The following TAF4B variants were observed in gnomAD, a reference collection of about 807,000 sequenced individuals.
The protein encoded by TAF4B is TATA-box binding protein associated factor 4b.
A neutral mutation model predicts 86.4 loss-of-function variants in TAF4B; 38 were observed. The ratio of observed to expected loss-of-function variants is 0.44; its 90% CI spans 0.34 to 0.58. The LOEUF (loss-of-function observed/expected upper bound fraction) is 0.58. Among genes scored for constraint, TAF4B ranks in the 20% least tolerant of loss-of-function variants. The pLI is 0.02. For missense variants in TAF4B, 988 were observed against 1,027.6 expected (o/e 0.96, Z 0.53); for synonymous variants, 388 against 391.2 (o/e 0.99, Z 0.10).
In TAF4B at chr18:26,226,930, G is replaced by T; in HGVS notation, c.-4G>T. ...CGCCAAAGCTGCCGCTGAGCCCCTG[G>T]GGGATGCCCGCCGGCCTCACCGAAC... On this transcript the variant is annotated 5_prime_UTR_variant, in exon 1 of 15. Transcript: ENST00000269142. The T allele has an allele frequency of 7.3e-7, 1 of 1,370,976 alleles. No homozygotes were observed. The highest frequency in any genetic ancestry group is 1.7e-5 in the South Asian group (1 of 58,968). The allele number at this position is 1,370,976 out of a possible 1,614,324, so 84.9% of individuals were successfully genotyped here.
In TAF4B at chr18:26,227,280, T is replaced by C; in HGVS notation, c.343+4T>C. The C allele has an allele frequency of 6.2e-7, 1 of 1,611,238 alleles. No homozygotes were observed. The highest frequency in any genetic ancestry group is 8.5e-7 in the Non-Finnish European group (1 of 1,178,790). On this transcript the variant is annotated splice_donor_region_variant and intron_variant, in intron 1 of 14. Coordinates refer to ENST00000269142, the MANE Select transcript of TAF4B (RefSeq NM_005640.3). ...GCTAATTTGCAGCTTCCTCCAGGTATGTTGATAACCCTTTCCAGCCTTGTC... is the reference window on the plus strand; with the variant it reads ...GCTAATTTGCAGCTTCCTCCAGGTACGTTGATAACCCTTTCCAGCCTTGTC...
intron 11 of TAF4B, among the ~76,000 whole-genome samples, chr18:26,322,743 C>T (rs1014230179): frequency 4.0e-5 from 6 of 151,884 alleles, no homozygotes; most frequent in African/African-American, 9.7e-5. Flanking sequence ...TCGTGTATCT[C>T]CACTCTAGTT....
intron 1 of TAF4B, among the ~76,000 whole-genome samples, chr18:26,241,333 A>C (rs1464924406): frequency 7.2e-5 from 11 of 152,138 alleles, no homozygotes; most frequent in Admixed American, 7.2e-4. Context: ...GTGTCCAGGA[A>C]TTTATGCATT....
At chr18:26,255,603 C>CAAAA (rs71169836) in intron 1 of TAF4B, 8,130 of 480,424 alleles carry the variant, frequency 0.017, 93 homozygotes, top group African/African-American at 0.066. Flanking sequence ...ACTCTGTCTC[C>CAAAA]AAAAAAAAAA....
intron 14 of TAF4B, among the ~76,000 whole-genome samples, chr18:26,368,849 T>C (rs1431243986): frequency 1.3e-5 from 2 of 152,212 alleles, no homozygotes; most frequent in African/African-American, 4.8e-5. Context: ...TGACTCTTTG[T>C]CAGCTATCTT....
intron 13 of TAF4B, among the ~76,000 whole-genome samples, chr18:26,355,859 T>C (rs1269604572): frequency 2.6e-5 from 4 of 152,214 alleles, no homozygotes; most frequent in Non-Finnish European, 5.9e-5. Flanking sequence ...CTATATTTTT[T>C]ATTAAAAAGG....
intron 5 of TAF4B, among the ~76,000 whole-genome samples, chr18:26,276,025 A>AG (rs2056380073): frequency 6.6e-6 from 1 of 151,492 alleles, no homozygotes; most frequent in African/African-American, 2.4e-5. Context: ...CAAAAAAAAA[A>AG]AAAAAAAGAA....
chr18:26,377,115 A>G (rs1306065335), intron 14 of TAF4B, among the ~76,000 whole-genome samples: 2 of 152,058 alleles, frequency 1.3e-5, no homozygotes, highest in African/African-American at 4.8e-5. Context: ...CCATGTTCAT[A>G]AGGAATAATG....
intron 1 of TAF4B, among the ~76,000 whole-genome samples, chr18:26,255,494 T>C (rs2056068510): frequency 6.6e-6 from 1 of 150,966 alleles, no homozygotes; most frequent in South Asian, 2.1e-4. Flanking sequence ...ACCCAGCTAC[T>C]TGGGAGGCTG....
intron 13 of TAF4B, among the ~76,000 whole-genome samples, chr18:26,349,392 T>A (rs2057226335): frequency 6.6e-6 from 1 of 151,978 alleles, no homozygotes; most frequent in South Asian, 2.1e-4. Context: ...CCTTACCTAA[T>A]GAACTAGCTG....
chr18:26,268,568 C>T (rs2056272208), intron 3 of TAF4B, among the ~76,000 whole-genome samples: 1 of 152,166 alleles, frequency 6.6e-6, no homozygotes, highest in African/African-American at 2.4e-5. Context: ...GTTGCTACGG[C>T]TTGTCTATTT....
intron 1 of TAF4B, among the ~76,000 whole-genome samples, chr18:26,229,865 A>G (rs1473005295): frequency 1.3e-5 from 2 of 152,056 alleles, no homozygotes; most frequent in Non-Finnish European, 2.9e-5. Flanking sequence ...GGGTGCTTAT[A>G]TATGTCAGTT....
intron 1 of TAF4B, among the ~76,000 whole-genome samples, chr18:26,261,751 CTCTTTGGTTT>C (rs2056170936): frequency 6.6e-6 from 1 of 152,182 alleles, no homozygotes; most frequent in Non-Finnish European, 1.5e-5. Flanking sequence ...TCTTAGTTGT[CTCTTTGGTTT>C]TCTTTGGTAA....
intron 1 of TAF4B, among the ~76,000 whole-genome samples, chr18:26,239,086 G>A (rs1322271151): frequency 1.8e-4 from 27 of 152,268 alleles, no homozygotes; most frequent in South Asian, 4.1e-4. Context: ...ATGATTTATA[G>A]TCCTTTGGGT....
intron 1 of TAF4B, among the ~76,000 whole-genome samples, chr18:26,242,518 T>C (rs2055855600): frequency 6.6e-6 from 1 of 152,224 alleles, no homozygotes; most frequent in Admixed American, 6.5e-5. Context: ...AGCACACTGA[T>C]GGGTCTTGAC....
rs796209300 is a variant in TAF4B, at chr18:26,261,421, C to G, written c.344-3749C>G. 3.2e-4 allele frequency among the ~76,000 whole-genome samples: 49 copies of G among 152,150 alleles called. 1 individual carries two copies. The highest frequency in any genetic ancestry group is 1.1e-3 in the African/African-American group (44 of 41,524). ...TTCACCGTTTTAGCCGGGATGGTCT[C>G]GATCTCCTGACCTTGTGATCCGCCC... On this transcript the variant is annotated intron_variant, in intron 1 of 14. Transcript: ENST00000269142.
At chr18:26,387,042 A>G (rs1978414220) in intron 14 of TAF4B, among the ~76,000 whole-genome samples, 1 of 152,288 alleles carries the variant, frequency 6.6e-6, no homozygotes, top group African/African-American at 2.4e-5. Flanking sequence ...GGCTAAAGAA[A>G]TTGCCTCTAG....
At chr18:26,304,058 T>TA (rs555442723) in intron 9 of TAF4B, among the ~76,000 whole-genome samples, 1 of 151,938 alleles carries the variant, frequency 6.6e-6, no homozygotes, top group African/African-American at 2.4e-5. Flanking sequence ...ATTCAGGACT[T>TA]AAAAAAATCA....
chr18:26,226,921 G>GA lies in TAF4B; in HGVS notation c.-12dup. On this transcript the variant is annotated 5_prime_UTR_variant, in exon 1 of 15. Coordinates refer to ENST00000269142, the MANE Select transcript of TAF4B (RefSeq NM_005640.3). ...GAACCGCAGCGCCAAAGCTGCCGCT[G>GA]AGCCCCTGGGGGATGCCCGCCGGCC... is the stretch of plus-strand genomic sequence containing the variant. 1 of 1,352,264 alleles carries GA rather than the reference G, an allele frequency of 7.4e-7. No homozygotes were observed. The highest frequency in any genetic ancestry group is 9.4e-7 in the Non-Finnish European group (1 of 1,060,592). The allele number at this position is 1,352,264 out of a possible 1,614,324, so 83.8% of individuals were successfully genotyped here.
Sources: gnomAD v4.1 joint callset for allele counts (sites outside exome capture counted in the v4.1 genomes callset) on GRCh38, gnomAD v4.1.1 for gene constraint, MANE v1.5 for transcripts, NCBI Gene and HGNC (gene_info 2026-07-23, HGNC 2026-07-21) for gene names.